Variants in IGSF9 observed in about 807,000 individuals in gnomAD.
The protein encoded by IGSF9 is immunoglobulin superfamily member 9.
In IGSF9, 87 loss-of-function variants were observed where a neutral mutation model predicts 121.7. That is an observed-to-expected ratio of 0.71 (90% confidence interval 0.60 to 0.85). The LOEUF (loss-of-function observed/expected upper bound fraction) is 0.85. Among genes scored for constraint, IGSF9 ranks in the 40% least tolerant of loss-of-function variants. The probability of loss-of-function intolerance (pLI) is 0.00; values close to 1 mark genes in which losing one functional copy is unlikely to be tolerated. For missense variants in IGSF9, 1,462 were observed against 1,565.3 expected (o/e 0.93, Z 1.11); for synonymous variants, 640 against 648.4 (o/e 0.99, Z 0.20).
Position 159,929,830 on chromosome 1 carries a change from CGAGG to C in IGSF9, c.2150-20_2150-17del. 6.3e-7 allele frequency: 1 copy of C among 1,598,784 alleles called. No homozygotes were observed. The highest frequency in any genetic ancestry group is 8.5e-7 in the Non-Finnish European group (1 of 1,173,344). ...ACCTCCAGACCTAGGCAGGGGTCCA[CGAGG>C]GAGGGTCAGTGGACTCGGAGCAGCC... On this transcript the variant is annotated splice_polypyrimidine_tract_variant and intron_variant, in intron 16 of 20. Coordinates refer to ENST00000368094, the MANE Select transcript of IGSF9 (RefSeq NM_001135050.2).
At position 159,930,352 on chromosome 1, in the gene IGSF9, C is replaced by G; in HGVS notation, c.1901G>C (p.Arg634Thr). The change falls in exon 15 of 21, where the codon AGG becomes ACG. Residue 634 changes from arginine to threonine, a missense_variant. Coordinates refer to ENST00000368094, the MANE Select transcript of IGSF9 (RefSeq NM_001135050.2). The stretch of plus-strand genomic sequence containing the variant: ...ATGCAGGAGTACCCCCCGGGGTGTC[C>G]TCACTGCCACCAGACCCCGCGGAGG... ...LSPPRGLVAV[R>T]TPRGVLLHWD... is the part of the protein sequence containing the mutation. 1 of 1,605,644 alleles carries G rather than the reference C, an allele frequency of 6.2e-7. No individual in the cohort carries two copies. The highest frequency in any genetic ancestry group is 8.5e-7 in the Non-Finnish European group (1 of 1,175,026).
Position 159,934,269 on chromosome 1 carries a change from A to T in IGSF9, c.1025T>A (p.Ile342Asn). Residue 342 changes from isoleucine to asparagine, a missense_variant, in exon 9 of 21, where the codon ATC becomes AAC. Ile to Asn is a moderately radical substitution (Grantham distance 149, BLOSUM62 -3). Around this residue, in one of 3 missense-constraint regions of IGSF9, gnomAD observed 558 missense variants for 599.4 expected, o/e 0.93. Transcript: ENST00000368094. The stretch of plus-strand genomic sequence containing the variant: ...GGGGTTGGCACGAACCGGGCAGCGG[A>T]TCACCCCCGGCATGCCTATGGGCAG... ...TPLPIGMPGVIRCPVRANPPL... is the reference protein window; with the variant it reads ...TPLPIGMPGVNRCPVRANPPL... The T allele has an allele frequency of 6.2e-7, 1 of 1,613,578 alleles. No individual in the cohort carries two copies. The highest frequency in any genetic ancestry group is 8.5e-7 in the Non-Finnish European group (1 of 1,179,814).
chr1:159,941,509 C>G (rs1050738741), intron 3 of IGSF9, among the ~76,000 whole-genome samples: 2 of 152,260 alleles, frequency 1.3e-5, no homozygotes, highest in Non-Finnish European at 2.9e-5. Flanking sequence ...CTCACAGCCC[C>G]TGTAGCTCAA....
At chr1:159,941,047 A>G (rs1275902463) in intron 3 of IGSF9, among the ~76,000 whole-genome samples, 2 of 152,032 alleles carry the variant, frequency 1.3e-5, no homozygotes, top group Non-Finnish European at 2.9e-5. Context: ...CTTTAGTCCT[A>G]GCTTGTTTTA....
chr1:159,941,604 C>T (rs969642963), intron 3 of IGSF9, among the ~76,000 whole-genome samples: 1 of 152,362 alleles, frequency 6.6e-6, no homozygotes, highest in East Asian at 1.9e-4. Flanking sequence ...CAAGGCAGGA[C>T]ACAAGCTGGA....
intron 8 of IGSF9, 27 bp downstream of exon 8, chr1:159,934,398 T>G: frequency 6.4e-7 from 1 of 1,570,154 alleles, no homozygotes; most frequent in Non-Finnish European, 8.6e-7. Flanking sequence ...GGGAGCAGGC[T>G]GAGGGAGAAG....
intron 17 of IGSF9, 94 bp from the exon 18 acceptor site, chr1:159,929,487 CCGGCTGGGAAAAG>C: frequency 6.5e-7 from 1 of 1,529,924 alleles, no homozygotes; most frequent in Non-Finnish European, 8.9e-7. Flanking sequence ...CCAACCCCAT[CCGGCTGGGAAAAG>C]CGTAGGCAGG....
chr1:159,937,768 G>A lies in IGSF9; in HGVS notation c.318C>T (p.Tyr106=), dbSNP rs142213601. Residue 106 remains tyrosine, a synonymous_variant, in exon 4 of 21, where the codon TAC becomes TAT. Coordinates refer to ENST00000368094, the MANE Select transcript of IGSF9 (RefSeq NM_001135050.2). ...EGLRVEDQGW[Y]ECRVFFLDQH... is the part of the protein sequence containing the mutation. Reference sequence around the variant, plus strand: ...GGTCCAGGAAGAACACGCGGCACTCGTACCAGCCCTGGTCTTCCACCCGGA... The same window carrying A: ...GGTCCAGGAAGAACACGCGGCACTCATACCAGCCCTGGTCTTCCACCCGGA... 1.3e-4 allele frequency: 206 copies of A among 1,614,038 alleles called. No individual in the cohort carries two copies. The highest frequency in any genetic ancestry group is 2.1e-4 in the South Asian group (19 of 91,086).
intron 1 of IGSF9, among the ~76,000 whole-genome samples, chr1:159,944,462 C>A (rs1348439251): frequency 1.3e-5 from 2 of 152,164 alleles, no homozygotes; most frequent in African/African-American, 4.8e-5. Context: ...CCCTGCCAGG[C>A]ACCACCACCC....
chr1:159,942,426 C>A (rs1269624815), intron 3 of IGSF9, among the ~76,000 whole-genome samples: 3 of 152,172 alleles, frequency 2.0e-5, no homozygotes, highest in Admixed American at 1.3e-4. Context: ...GACTGAGTGT[C>A]CCTGGAAAAG....
intron 18 of IGSF9, 138 bp from the exon 19 acceptor site, chr1:159,929,156 G>T: frequency 7.5e-7 from 1 of 1,333,864 alleles, no homozygotes; most frequent in Non-Finnish European, 1.0e-6. Context: ...ACAAGGTGGA[G>T]GGGTGGAGGG....
rs1651034353 is a variant in IGSF9 at position 159,932,530 on chromosome 1, CA to C, written c.1226del (p.Val409GlyfsTer13). The C allele has an allele frequency of 2.5e-6, 4 of 1,613,802 alleles. No individual in the cohort carries two copies. The African/African-American group carries it at 5.3e-5, about 22-fold the overall frequency. Reference protein sequence around the residue: ...NSLGTAGPSPVTRVLLKAPPA... With the variant: ...NSLGTAGPSPXTRVLLKAPPA... ...GCCTAACCTTGAGCAGCACGCGGGT[CA>C]CAGGAGAGGGCCCGGCGGTACCAAG... On this transcript the variant is annotated frameshift_variant, in exon 10 of 21. Transcript: ENST00000368094. LOFTEE classifies it high-confidence loss of function. The surrounding 1 kb of genome is among the most constrained non-coding windows in gnomAD (Gnocchi z 4.1).
chr1:159,932,383 A>G lies in IGSF9; in HGVS notation c.1245+129T>C, dbSNP rs1651029566. ...TCAGGCAGCTGCTGCCGTGGCCACCATGGGAAACAAACTTGGAAACCCCTC... is the reference window on the plus strand; with the variant it reads ...TCAGGCAGCTGCTGCCGTGGCCACCGTGGGAAACAAACTTGGAAACCCCTC... On this transcript the variant is annotated intron_variant, in intron 10 of 20. Transcript: ENST00000368094. The surrounding 1 kb of genome is among the most constrained non-coding windows in gnomAD (Gnocchi z 4.1). The G allele has an allele frequency of 1.9e-6, 2 of 1,058,822 alleles. No homozygotes were observed. Among genetic ancestry groups the G allele is most frequent in the Admixed American group, 2.1e-5 (1 of 47,056 alleles). The allele number at this position is 1,058,822 out of a possible 1,614,324, so 65.6% of individuals were successfully genotyped here. A position where few individuals can be genotyped will look rare whatever the true frequency, so the allele number is the denominator to read the frequency against.
chr1:159,932,852 G>T lies in IGSF9; in HGVS notation c.1105-200C>A, dbSNP rs1443197061. On this transcript the variant is annotated intron_variant, in intron 9 of 20. Transcript: ENST00000368094. The surrounding 1 kb of genome is among the most constrained non-coding windows in gnomAD (Gnocchi z 4.1). ...GAGGGACCCCTCCCAATAGTGTGAG[G>T]CTGTGACTGCACAACTCCAGGGGGT... is the stretch of plus-strand genomic sequence containing the variant. 2 of 555,472 alleles carry T rather than the reference G, an allele frequency of 3.6e-6. No homozygotes were observed. The highest frequency in any genetic ancestry group is 2.4e-5 in the South Asian group (1 of 41,128). 34.4% of individuals were successfully genotyped at this position (555,472 alleles called of 1,614,324 possible).
chr1:159,935,354 T>C (rs1395523062), intron 6 of IGSF9, among the ~76,000 whole-genome samples: 1 of 152,186 alleles, frequency 6.6e-6, no homozygotes, highest in East Asian at 1.9e-4. Context: ...AACCCAGCCC[T>C]GTGGACCCCT....
chr1:159,929,290 A>C, intron 18 of IGSF9, 61 bp downstream of exon 18: 1 of 1,568,088 alleles, frequency 6.4e-7, no homozygotes, highest in African/African-American at 1.4e-5. Flanking sequence ...AAAAGGAAGC[A>C]GAAGATACTG....
intron 9 of IGSF9, 157 bp downstream of exon 9, chr1:159,934,033 A>G (rs1489416017): frequency 2.3e-6 from 2 of 861,712 alleles, no homozygotes; most frequent in African/African-American, 3.4e-5. Flanking sequence ...GGTTTTAAGT[A>G]GTTTCCTATG....
At position 159,927,449 on chromosome 1, in the gene IGSF9, G is replaced by C. The variant is rs763910745; in HGVS notation, c.3436C>G (p.Arg1146Gly). Residue 1146 changes from arginine to glycine, a missense_variant, in exon 21 of 21, where the codon CGG becomes GGG. Arg to Gly is a moderately radical substitution (Grantham distance 125). Around this residue, in one of 3 missense-constraint regions of IGSF9, gnomAD observed 808 missense variants for 815.2 expected, o/e 0.99. Transcript: ENST00000368094. Reference protein sequence around the residue: ...TGPEARCAALREEFLAFRRRR... With the variant: ...TGPEARCAALGEEFLAFRRRR... ...CGGCGGAAGGCCAGGAATTCCTCCC[G>C]AAGGGCAGCACAGCGGGCCTCAGGG... is the stretch of plus-strand genomic sequence containing the variant. The C allele has an allele frequency of 1.2e-6, 2 of 1,614,162 alleles. No homozygotes were observed. The highest frequency in any genetic ancestry group is 1.7e-6 in the Non-Finnish European group (2 of 1,180,034).
At position 159,931,013 on chromosome 1, in the gene IGSF9, G is replaced by T; in HGVS notation, c.1637+125C>A. 6.7e-7 allele frequency: 1 copy of T among 1,481,552 alleles called. No homozygotes were observed. The highest frequency in any genetic ancestry group is 9.2e-7 in the Non-Finnish European group (1 of 1,091,726). The allele number at this position is 1,481,552 out of a possible 1,614,324, so 91.8% of individuals were successfully genotyped here. On this transcript the variant is annotated intron_variant, in intron 13 of 20. Transcript: ENST00000368094. The surrounding 1 kb of genome is among the most constrained non-coding windows in gnomAD (Gnocchi z 4.8). ...GAATGCCTCAGAATCTGGAAACAGG[G>T]AAGCAGAGCCAGGACTGGTGAGGGA...
Sources: allele counts gnomAD v4.1 joint callset (sites outside exome capture counted in the v4.1 genomes callset), GRCh38; gene constraint gnomAD v4.1.1; regional missense constraint gnomAD v4.1.1; non-coding constraint Gnocchi (gnomAD v3.1); transcripts MANE v1.5; gene names NCBI Gene and HGNC (gene_info 2026-07-23, HGNC 2026-07-21).